Variants in ZNF106 observed in about 807,000 individuals in gnomAD.
The protein encoded by ZNF106 is zinc finger protein 106, also known as SH3-domain binding protein 3.
In ZNF106, 67 loss-of-function variants were observed where a neutral mutation model predicts 195.1. That is an observed-to-expected ratio of 0.34 (90% CI 0.28 to 0.42). The LOEUF is 0.42. Ranked by LOEUF, ZNF106 falls within the 10% of genes least tolerant of loss-of-function variation. The probability of loss-of-function intolerance (pLI) is 1.00; values close to 1 mark genes in which losing one functional copy is unlikely to be tolerated. For synonymous variants in ZNF106, 784 were observed against 818.6 expected, an observed-to-expected ratio of 0.96 and a Z score of 0.72; for missense variants, 2,118 against 2,304.5, an observed-to-expected ratio of 0.92 and a Z score of 1.66.
intron 4 of ZNF106, among the ~76,000 whole-genome samples, chr15:42,454,634 A>C (rs1164098055): frequency 1.3e-5 from 2 of 152,124 alleles, no homozygotes; most frequent in Non-Finnish European, 2.9e-5. Flanking sequence ...CTGTAATCTC[A>C]GCACTTTGGG....
chr15:42,427,245 CT>C (rs1336466561), intron 15 of ZNF106, among the ~76,000 whole-genome samples: 1 of 152,228 alleles, frequency 6.6e-6, no homozygotes, highest in Non-Finnish European at 1.5e-5. Flanking sequence ...TAATACCAAT[CT>C]TTCCCAATCT....
In ZNF106 at chr15:42,481,343, T is replaced by G. The variant is rs532988156; in HGVS notation, c.-32-9022A>C. On this transcript the variant is annotated intron_variant, in intron 1 of 21. Transcript: ENST00000564754. Reference sequence around the variant, plus strand: ...ATGTCTTTATTTCATATTCTTTCTGTTTTTTTTTTTGTTGTTTTTTTTTTT... The same window carrying G: ...ATGTCTTTATTTCATATTCTTTCTGGTTTTTTTTTTGTTGTTTTTTTTTTT... Among the ~76,000 whole-genome samples, 725 of 75,954 alleles carry G rather than the reference T, an allele frequency of 9.5e-3. 4 individuals carry two copies. The highest frequency in any genetic ancestry group is 0.013 in the African/African-American group (90 of 6,952). 49.8% of individuals were successfully genotyped at this position (75,954 alleles called of 152,430 possible). A position where few individuals can be genotyped will look rare whatever the true frequency, so the allele number is the denominator to read the frequency against.
At position 42,419,063 on chromosome 15, in the gene ZNF106, C is replaced by CAAA. The variant is rs367772491; in HGVS notation, c.5518-1115_5518-1113dup. Among the ~76,000 whole-genome samples, 492 of 105,740 alleles carry CAAA rather than the reference C, an allele frequency of 4.7e-3. 2 individuals are homozygous for CAAA. Among genetic ancestry groups the CAAA allele is most frequent in the African/African-American group, 0.015 (434 of 28,256 alleles). The allele number at this position is 105,740 out of a possible 152,430, so 69.4% of individuals were successfully genotyped here. On this transcript the variant is annotated intron_variant, in intron 20 of 21. Transcript: ENST00000564754. The stretch of plus-strand genomic sequence containing the variant: ...CAACATAGTGAGACCCTTTCTCTAC[C>CAAA]AAAAAAAAAAAAAAAAAAATACAGG...
At chr15:42,421,559 G>C (rs2054659189) in intron 19 of ZNF106, among the ~76,000 whole-genome samples, 1 of 152,142 alleles carries the variant, frequency 6.6e-6, no homozygotes, top group African/African-American at 2.4e-5. Flanking sequence ...TACGTGAGTT[G>C]GTTTCTACTT....
Position 42,450,749 on chromosome 15 carries a change from T to C in ZNF106, c.1523A>G (p.Glu508Gly). 1.2e-6 allele frequency: 2 copies of C among 1,614,208 alleles called. No individual in the cohort carries two copies. The highest frequency in any genetic ancestry group is 1.7e-6 in the Non-Finnish European group (2 of 1,180,048). The change falls in exon 5 of 22, where the codon GAA (glutamate) becomes GGA (glycine). Residue 508 changes from glutamate to glycine, a missense_variant. Glu to Gly is a moderately conservative substitution (Grantham distance 98, BLOSUM62 -2). Coordinates refer to ENST00000564754, the MANE Select transcript of ZNF106 (RefSeq NM_001366845.3). ...GGGCTTGTTCGAGGGATTTGAGTGT[T>C]CTCCAGGGGAAAAAAAATTTGTTTT... ...NTKTNFFSPG[E>G]HSNPSNKPTV...
At chr15:42,449,330 T>C (rs1200404310) in intron 5 of ZNF106, among the ~76,000 whole-genome samples, 1 of 152,126 alleles carries the variant, frequency 6.6e-6, no homozygotes, top group Non-Finnish European at 1.5e-5. Flanking sequence ...ATGCCCAGAG[T>C]ACATACAGAA....
In ZNF106 at chr15:42,417,348, G is replaced by C; in HGVS notation, c.5677C>G (p.His1893Asp). Residue 1893 changes from histidine (H) to aspartate (D), a missense_variant, in exon 22 of 22, where the codon CAT becomes GAT. His to Asp is a moderately conservative substitution (Grantham distance 81). Coordinates refer to ENST00000564754, the MANE Select transcript of ZNF106 (RefSeq NM_001366845.3). ...TCATCTTCAGCATGTCGTTCAATATGTCCTGCAGCATCCTAGGAATGAAGG... is the reference window on the plus strand; with the variant it reads ...TCATCTTCAGCATGTCGTTCAATATCTCCTGCAGCATCCTAGGAATGAAGG... ...RKGSKQDAAGHIERHAEDDSK... is the reference protein window; with the variant it reads ...RKGSKQDAAGDIERHAEDDSK... 6.2e-7 allele frequency: 1 copy of C among 1,614,066 alleles called. No homozygotes were observed. Among genetic ancestry groups the C allele is most frequent in the Non-Finnish European group, 8.5e-7 (1 of 1,179,972 alleles).
intron 17 of ZNF106, 65 bp downstream of exon 17, chr15:42,423,933 A>G (rs1271849741): frequency 1.4e-6 from 2 of 1,472,274 alleles, no homozygotes; most frequent in African/African-American, 1.4e-5. Flanking sequence ...GAGGTTTAAG[A>G]AAACCATCAA....
chr15:42,430,804 A>AT (rs959022973), intron 14 of ZNF106, among the ~76,000 whole-genome samples: 19 of 151,114 alleles, frequency 1.3e-4, no homozygotes, highest in Non-Finnish European at 2.1e-4. Context: ...TATGCTTACA[A>AT]TTTTTTTTTA....
intron 1 of ZNF106, among the ~76,000 whole-genome samples, chr15:42,477,088 T>C (rs1470100746): frequency 1.3e-5 from 2 of 152,148 alleles, no homozygotes; most frequent in African/African-American, 2.4e-5. Flanking sequence ...GTATTTTTCT[T>C]TATCAGTCTA....
At chr15:42,433,415 T>G (rs983896567) in intron 14 of ZNF106, among the ~76,000 whole-genome samples, 10 of 152,012 alleles carry the variant, frequency 6.6e-5, no homozygotes, top group Middle Eastern at 3.2e-3. Flanking sequence ...TTAAGTATAT[T>G]TTTAGCTCAC....
intron 20 of ZNF106, among the ~76,000 whole-genome samples, chr15:42,419,240 G>T (rs982633751): frequency 2.0e-5 from 3 of 152,054 alleles, no homozygotes; most frequent in Non-Finnish European, 2.9e-5. Flanking sequence ...TGTGGCATGT[G>T]CCTGTAATCT....
intron 3 of ZNF106, among the ~76,000 whole-genome samples, chr15:42,463,897 A>G (rs1423838317): frequency 6.6e-6 from 1 of 152,258 alleles, no homozygotes; most frequent in Non-Finnish European, 1.5e-5. Context: ...TAACCTTCAC[A>G]TAATAAGAGA....
chr15:42,439,418 C>A lies in ZNF106; in HGVS notation c.4159G>T (p.Ala1387Ser). ...GTGTCACTATTCTCAGGAACATGGGCAGCCCGTAGACTTTTCTTCTTCCGG... is the reference window on the plus strand; with the variant it reads ...GTGTCACTATTCTCAGGAACATGGGAAGCCCGTAGACTTTTCTTCTTCCGG... ...KLRKKKSLRA[A>S]HVPENSDTEQ... The change falls in exon 11 of 22, where the codon GCC (alanine) becomes TCC (serine). Residue 1387 changes from alanine (A) to serine (S), a missense_variant. Coordinates refer to ENST00000564754, the MANE Select transcript of ZNF106 (RefSeq NM_001366845.3). 1 of 1,614,184 alleles carries A rather than the reference C, an allele frequency of 6.2e-7. No individual in the cohort carries two copies. The highest frequency in any genetic ancestry group is 1.3e-5 in the African/African-American group (1 of 75,052).
At position 42,413,818 on chromosome 15, in the gene ZNF106, A is replaced by G. The variant is rs2054351310; in HGVS notation, c.*3486T>C. The G allele has an allele frequency of 6.6e-6, 1 of 152,286 alleles. No individual in the cohort carries two copies. Among genetic ancestry groups the G allele is most frequent in the Non-Finnish European group, 1.5e-5 (1 of 68,042 alleles). 9.4% of individuals were successfully genotyped at this position (152,286 alleles called of 1,614,324 possible). ...AAGTAATGACTTTCTCTCAGATTCA[A>G]GTAACATCAGGTCAAGATAACCTTT... On this transcript the variant is annotated 3_prime_UTR_variant, in exon 22 of 22. Transcript: ENST00000564754.
chr15:42,435,360 T>C (rs1405682944), intron 14 of ZNF106, 24 bp downstream of exon 14: 1 of 1,613,966 alleles, frequency 6.2e-7, no homozygotes, highest in Non-Finnish European at 8.5e-7. Flanking sequence ...ATGAACCACT[T>C]TGGATTTCTC....
chr15:42,430,162 T>G (rs2141285049), intron 14 of ZNF106, among the ~76,000 whole-genome samples: 1 of 152,198 alleles, frequency 6.6e-6, no homozygotes, highest in Admixed American at 6.5e-5. Flanking sequence ...TCTTTTTCAC[T>G]AGTGTACGGT....
chr15:42,450,138 A>G lies in ZNF106; in HGVS notation c.2134T>C (p.Tyr712His), dbSNP rs752992114. The change falls in exon 5 of 22, where the codon TAT becomes CAT. Residue 712 changes from tyrosine to histidine, a missense_variant. Coordinates refer to ENST00000564754, the MANE Select transcript of ZNF106 (RefSeq NM_001366845.3). Reference protein sequence around the residue: ...VDDSIKSHVSYETEGFESASL... With the variant: ...VDDSIKSHVSHETEGFESASL... The stretch of plus-strand genomic sequence containing the variant: ...GCACTCTCAAAGCCTTCTGTTTCAT[A>G]AGATACATGAGATTTAATAGAGTCA... 2 of 1,614,068 alleles carry G rather than the reference A, an allele frequency of 1.2e-6. No individual in the cohort carries two copies. The highest frequency in any genetic ancestry group is 2.2e-5 in the South Asian group (2 of 91,086).
Position 42,481,357 on chromosome 15 carries a change from G to GT in ZNF106, c.-32-9037dup, listed in dbSNP as rs751618549. ...TATTCTTTCTGTTTTTTTTTTTGTT[G>GT]TTTTTTTTTTTTTTTTTTGAGACAG... On this transcript the variant is annotated intron_variant, in intron 1 of 21. Coordinates refer to ENST00000564754, the MANE Select transcript of ZNF106 (RefSeq NM_001366845.3). Among the ~76,000 whole-genome samples, 809 of 109,142 alleles carry GT rather than the reference G, an allele frequency of 7.4e-3. 5 individuals are homozygous for GT. Among genetic ancestry groups the GT allele is most frequent in the East Asian group, 0.012 (40 of 3,476 alleles). 71.6% of individuals were successfully genotyped at this position (109,142 alleles called of 152,430 possible).
Sources: allele counts gnomAD v4.1 joint callset (sites outside exome capture counted in the v4.1 genomes callset), GRCh38; gene constraint gnomAD v4.1.1; transcripts MANE v1.5; gene names NCBI Gene and HGNC (gene_info 2026-07-23, HGNC 2026-07-21).